Variants in C4orf51 observed in about 807,000 individuals in gnomAD.
The protein encoded by C4orf51 is chromosome 4 open reading frame 51, also known as uncharacterized protein C4orf51.
C4orf51 carries 25 observed loss-of-function variants against 25.2 expected under a neutral mutation model. That is an observed-to-expected ratio of 0.99 (90% CI 0.72 to 1.39). The LOEUF (loss-of-function observed/expected upper bound fraction) is 1.39, where lower values mean the gene tolerates loss of function less well. Among genes scored for constraint, C4orf51 ranks in the 40% most tolerant of loss-of-function variants. The probability of loss-of-function intolerance (pLI) is 0.00; values close to 1 mark genes in which losing one functional copy is unlikely to be tolerated. For missense variants in C4orf51, 252 were observed against 239.6 expected, an observed-to-expected ratio of 1.05 and a Z score of -0.34; for synonymous variants, 100 against 84.5, an observed-to-expected ratio of 1.18 and a Z score of -1.01.
At chr4:145,693,835 G>A (rs866682984) in intron 1 of C4orf51, among the ~76,000 whole-genome samples, 1 of 1,558 alleles carries the variant, frequency 6.4e-4, no homozygotes, top group Non-Finnish European at 1.5e-3. Context: ...TGGCCGGGCG[G>A]GGGGGCTGAC....
At chr4:145,716,404 G>A (rs1355834204) in intron 2 of C4orf51, among the ~76,000 whole-genome samples, 1 of 152,200 alleles carries the variant, frequency 6.6e-6, no homozygotes, top group Non-Finnish European at 1.5e-5. Flanking sequence ...ACATTCCAAT[G>A]TGATGCCAGA....
chr4:145,780,900 A>T, the C4orf51 span, among the ~76,000 whole-genome samples: 6 of 152,268 alleles, frequency 3.9e-5, no homozygotes, highest in South Asian at 1.2e-3. Flanking sequence ...TAATCCACGC[A>T]GATGAAAATG....
chr4:145,721,289 G>A (rs146837029), intron 2 of C4orf51, among the ~76,000 whole-genome samples: 2,678 of 150,062 alleles, frequency 0.018, 80 homozygotes, highest in African/African-American at 0.063. Context: ...AGCTTGCAGT[G>A]AGCTGAGATT....
intron 2 of C4orf51, among the ~76,000 whole-genome samples, chr4:145,716,277 A>G (rs1455686846): frequency 6.6e-6 from 1 of 152,100 alleles, no homozygotes. Context: ...GCTTCCACCA[A>G]TACCCGAAAG....
chr4:145,699,438 C>A (rs921321658), intron 2 of C4orf51, among the ~76,000 whole-genome samples: 2 of 151,942 alleles, frequency 1.3e-5, no homozygotes, highest in Non-Finnish European at 2.9e-5. Context: ...CCTCTTTTTA[C>A]TGTCTTCTCC....
intron 1 of C4orf51, among the ~76,000 whole-genome samples, chr4:145,738,226 G>A (rs550650546): frequency 2.6e-5 from 4 of 152,186 alleles, no homozygotes; most frequent in Non-Finnish European, 5.9e-5. Flanking sequence ...TAGGCAGGTG[G>A]ATTGCCTGAG....
the C4orf51 span, among the ~76,000 whole-genome samples, chr4:145,777,492 G>C: frequency 6.6e-6 from 1 of 152,134 alleles, no homozygotes; most frequent in South Asian, 2.1e-4. Flanking sequence ...ACTGATTCAA[G>C]TTCCCTCCCC....
At chr4:145,774,849 G>A (rs1185706169), downstream of C4orf51, among the ~76,000 whole-genome samples, 1 of 152,186 alleles carries the variant, frequency 6.6e-6, no homozygotes, top group Non-Finnish European at 1.5e-5. Context: ...TGCCTCTAAA[G>A]TAGTCACTGT....
the C4orf51 span, among the ~76,000 whole-genome samples, chr4:145,787,425 G>A: frequency 6.9e-6 from 1 of 145,446 alleles, no homozygotes; most frequent in Non-Finnish European, 1.5e-5. Flanking sequence ...CCACGCCATT[G>A]CACTCCAGCC....
Position 145,707,651 on chromosome 4 carries a change from T to A in C4orf51, c.307+11019T>A, listed in dbSNP as rs146198933. 1.2e-4 allele frequency among the ~76,000 whole-genome samples: 19 copies of A among 152,316 alleles called. No individual in the cohort carries two copies. In the East Asian group the frequency reaches 1.3e-3, roughly 11 times the overall value. ...ATATATTTTTGCCCTAAAGAGGTGT[T>A]GGGTATTTAGACATCACCAGGGACT... is the stretch of plus-strand genomic sequence containing the variant. On this transcript the variant is annotated intron_variant, in intron 2 of 5. Transcript: ENST00000438731.
intron 1 of C4orf51, among the ~76,000 whole-genome samples, chr4:145,691,127 A>G (rs1578925842): frequency 6.6e-6 from 1 of 152,208 alleles, no homozygotes; most frequent in East Asian, 1.9e-4. Context: ...AAAAAATTGC[A>G]CAAAGGACAT....
downstream of C4orf51, among the ~76,000 whole-genome samples, chr4:145,756,820 G>T (rs1733982761): frequency 6.6e-6 from 1 of 152,176 alleles, no homozygotes; most frequent in African/African-American, 2.4e-5. Context: ...TGTCTAATTA[G>T]TGACTGGCCA....
chr4:145,687,358 A>G (rs1187869503), intron 1 of C4orf51, among the ~76,000 whole-genome samples: 1 of 152,208 alleles, frequency 6.6e-6, no homozygotes, highest in Non-Finnish European at 1.5e-5. Context: ...CCTAAAATGT[A>G]TAAAACTAAG....
the C4orf51 span, among the ~76,000 whole-genome samples, chr4:145,781,228 G>GA: frequency 0.29 from 28,722 of 99,716 alleles, 3,170 homozygotes; most frequent in African/African-American, 0.33. Flanking sequence ...GAAAAAAAAA[G>GA]AAAAAAAAAA....
chr4:145,693,861 C>T (rs1729805987), intron 1 of C4orf51, among the ~76,000 whole-genome samples: 1 of 129,476 alleles, frequency 7.7e-6, no homozygotes, highest in Admixed American at 7.6e-5. Flanking sequence ...CCACCTCCCT[C>T]CCGGACGGGG....
At chr4:145,779,652 C>T in the C4orf51 span, 1 of 1,205,346 alleles carries the variant, frequency 8.3e-7, no homozygotes, top group Non-Finnish European at 1.1e-6. Flanking sequence ...AACTGGTTTT[C>T]CTGCTCATTT....
chr4:145,762,110 CAG>C lies in C4orf51; in HGVS notation n.167-8876_167-8875del, dbSNP rs1037005470. Among the ~76,000 whole-genome samples, 4 of 152,168 alleles carry C rather than the reference CAG, an allele frequency of 2.6e-5. No homozygotes were observed. Among genetic ancestry groups the C allele is most frequent in the African/African-American group, 7.2e-5 (3 of 41,414 alleles). On this transcript the variant is annotated intron_variant and non_coding_transcript_variant, in intron 1 of 1. Coordinates refer to the C4orf51 transcript ENST00000510096. This position sits in a 1 kb window ranked among gnomAD's most constrained non-coding sequence, Gnocchi z 4.9. ...TAGGGGGAGCGCTACCTCCAGCAAA[CAG>C]AAAGTCACAGGGGTCAGAATCGTGC... is the stretch of plus-strand genomic sequence containing the variant.
the C4orf51 span, among the ~76,000 whole-genome samples, chr4:145,777,437 C>T: frequency 2.0e-5 from 3 of 152,202 alleles, no homozygotes; most frequent in South Asian, 2.1e-4. Context: ...CCTTTATAAA[C>T]GGTATGTCCT....
In C4orf51 at chr4:145,761,675, C is replaced by A; in HGVS notation, n.167-9313C>A. The stretch of plus-strand genomic sequence containing the variant: ...GCCGCGCTTCTCGCCGCCTCACCAG[C>A]CTTCCCTCACACCACCCCCCAGTGT... On this transcript the variant is annotated intron_variant and non_coding_transcript_variant, in intron 1 of 1. Transcript: ENST00000510096. The surrounding 1 kb of genome is among the most constrained non-coding windows in gnomAD (Gnocchi z 6.8). The A allele has an allele frequency of 2.2e-6, 2 of 901,224 alleles. No homozygotes were observed. Among genetic ancestry groups the A allele is most frequent in the South Asian group, 1.6e-5 (1 of 62,636 alleles). 55.8% of individuals were successfully genotyped at this position (901,224 alleles called of 1,614,324 possible).
Sources: allele counts gnomAD v4.1 joint callset (sites outside exome capture counted in the v4.1 genomes callset), GRCh38; gene constraint gnomAD v4.1.1; non-coding constraint Gnocchi (gnomAD v3.1); transcripts MANE v1.5; gene names NCBI Gene and HGNC (gene_info 2026-07-23, HGNC 2026-07-21).